The following TUBB4A variants were observed in gnomAD, a reference collection of about 807,000 sequenced individuals.
The protein encoded by TUBB4A is tubulin beta 4A class IVa.
TUBB4A carries 13 observed loss-of-function variants against 35.1 expected under a neutral mutation model. That is an observed-to-expected ratio of 0.37 (90% confidence interval 0.24 to 0.59). TUBB4A has a LOEUF of 0.59. Ranked by LOEUF, TUBB4A falls within the 20% of genes least tolerant of loss-of-function variation. TUBB4A has a pLI of 0.71. For missense variants in TUBB4A, 299 were observed against 647.2 expected (o/e 0.46, Z 5.84); for synonymous variants, 279 against 272.4 (o/e 1.02, Z -0.24).
chr19:6,500,414 A>G (rs1914475953), intron 3 of TUBB4A, among the ~76,000 whole-genome samples: 1 of 152,142 alleles, frequency 6.6e-6, no homozygotes, highest in East Asian at 1.9e-4. Context: ...GTTTATAGGC[A>G]TGAACCACCA....
intron 3 of TUBB4A, among the ~76,000 whole-genome samples, chr19:6,497,033 A>ATATATATATATG (rs1914272350): frequency 3.4e-5 from 1 of 29,308 alleles, no homozygotes; most frequent in Non-Finnish European, 6.0e-5. Context: ...AAATATATAT[A>ATATATATATATG]TATATATATA....
Position 6,494,651 on chromosome 19 carries a change from G to T in TUBB4A, c.*513C>A. On this transcript the variant is annotated 3_prime_UTR_variant, in exon 4 of 4. Transcript: ENST00000264071. ...AAAATGGGACTCATAGAGGGTGAAA[G>T]AGAAGTTGGAGTCAGAGGGGATTCA... is the stretch of plus-strand genomic sequence containing the variant. The T allele has an allele frequency of 5.7e-6, 1 of 176,426 alleles. No homozygotes were observed. The allele number at this position is 176,426 out of a possible 1,614,324, so 10.9% of individuals were successfully genotyped here. A position where few individuals can be genotyped will look rare whatever the true frequency, so the allele number is the denominator to read the frequency against.
chr19:6,497,898 C>CAAAAAAAAA (rs1179837262), intron 3 of TUBB4A, among the ~76,000 whole-genome samples: 1 of 42,250 alleles, frequency 2.4e-5, no homozygotes, highest in African/African-American at 1.1e-4. Flanking sequence ...GACTCCGTCT[C>CAAAAAAAAA]AAAAAAAAAA....
chr19:6,495,934 C>T lies in TUBB4A; in HGVS notation c.565G>A (p.Val189Met), dbSNP rs764847265. The T allele has an allele frequency of 2.5e-6, 4 of 1,614,232 alleles. No homozygotes were observed. The Admixed American group carries it at 5.0e-5, about 20-fold the overall frequency. Residue 189 changes from valine to methionine, a missense_variant, in exon 4 of 4, where the codon GTG (valine) becomes ATG (methionine). This residue lies in a region of TUBB4A where 51 missense variants were observed against 100.3 expected (regional missense o/e 0.51). Coordinates refer to ENST00000264071, the MANE Select transcript of TUBB4A (RefSeq NM_006087.4). This position sits in a 1 kb window ranked among gnomAD's most constrained non-coding sequence, Gnocchi z 8.7. The part of the protein sequence containing the change: ...VVEPYNATLS[V>M]HQLVENTDET... Reference sequence around the variant, plus strand: ...TCCGTATTCTCCACCAGCTGGTGCACAGACAGCGTGGCGTTGTAGGGCTCC... The same window carrying T: ...TCCGTATTCTCCACCAGCTGGTGCATAGACAGCGTGGCGTTGTAGGGCTCC...
intron 3 of TUBB4A, among the ~76,000 whole-genome samples, chr19:6,498,546 C>G (rs1045100075): frequency 6.6e-6 from 1 of 152,262 alleles, no homozygotes; most frequent in Non-Finnish European, 1.5e-5. Context: ...CCCATCCCCT[C>G]CCTCACTCTG....
In TUBB4A at chr19:6,502,177, G is replaced by A. The variant is rs754780863; in HGVS notation, c.36C>T (p.Cys12=). The A allele has an allele frequency of 2.4e-5, 38 of 1,575,866 alleles. No individual in the cohort carries two copies. The highest frequency in any genetic ancestry group is 3.1e-5 in the Non-Finnish European group (36 of 1,169,086). ...GCACCTTGGCCCCGATCTGGTTGCCGCACTGGCCGGCCTGCAGGTGCACGA... is the reference window on the plus strand; with the variant it reads ...GCACCTTGGCCCCGATCTGGTTGCCACACTGGCCGGCCTGCAGGTGCACGA... ...REIVHLQAGQ[C]GNQIGAKFWE... The change falls in exon 1 of 4, where the codon TGC becomes TGT. Residue 12 remains cysteine, a synonymous_variant. Coordinates refer to ENST00000264071, the MANE Select transcript of TUBB4A (RefSeq NM_006087.4).
chr19:6,496,237 G>T lies in TUBB4A; in HGVS notation c.278-16C>A. 1.3e-6 allele frequency: 2 copies of T among 1,595,096 alleles called. No individual in the cohort carries two copies. Among genetic ancestry groups the T allele is most frequent in the East Asian group, 2.2e-5 (1 of 44,618 alleles). ...CCGGATTGGCCTAGAGAGGGAAGGGGAGGGGACACACATGCAGTTATGGGG... is the reference window on the plus strand; with the variant it reads ...CCGGATTGGCCTAGAGAGGGAAGGGTAGGGGACACACATGCAGTTATGGGG... On this transcript the variant is annotated splice_polypyrimidine_tract_variant and intron_variant, in intron 3 of 3. Coordinates refer to ENST00000264071, the MANE Select transcript of TUBB4A (RefSeq NM_006087.4).
At position 6,501,723 on chromosome 19, in the gene TUBB4A, C is replaced by A. The variant is rs911332552; in HGVS notation, c.58-100G>T. On this transcript the variant is annotated intron_variant, in intron 1 of 3. Transcript: ENST00000264071. This position sits in a 1 kb window ranked among gnomAD's most constrained non-coding sequence, Gnocchi z 4.2. ...AACTAGCTCCCTAGCTGCCACCTCTCCCCCAGCAAGGTGAACGGGGGACCT... is the reference window on the plus strand; with the variant it reads ...AACTAGCTCCCTAGCTGCCACCTCTACCCCAGCAAGGTGAACGGGGGACCT... 3 of 954,348 alleles carry A rather than the reference C, an allele frequency of 3.1e-6. No individual in the cohort carries two copies. Among genetic ancestry groups the A allele is most frequent in the Non-Finnish European group, 4.9e-6 (3 of 618,056 alleles). 59.1% of individuals were successfully genotyped at this position (954,348 alleles called of 1,614,324 possible).
chr19:6,498,056 A>T (rs1199658818), intron 3 of TUBB4A, among the ~76,000 whole-genome samples: 2 of 151,606 alleles, frequency 1.3e-5, no homozygotes, highest in Non-Finnish European at 2.9e-5. Flanking sequence ...CTAAAAATAG[A>T]AAAAATTAGC....
intron 3 of TUBB4A, among the ~76,000 whole-genome samples, chr19:6,496,806 G>T (rs1270356585): frequency 6.8e-6 from 1 of 147,768 alleles, no homozygotes; most frequent in Non-Finnish European, 1.5e-5. Flanking sequence ...GGGTGACGGA[G>T]TGAGACTCCA....
chr19:6,500,349 G>A (rs1249208669), intron 3 of TUBB4A, among the ~76,000 whole-genome samples: 2 of 151,982 alleles, frequency 1.3e-5, no homozygotes, highest in East Asian at 3.9e-4. Flanking sequence ...GCCCAGGCTG[G>A]TCTCGAACTC....
chr19:6,500,745 G>GAA (rs113460662), intron 3 of TUBB4A: 27,470 of 125,924 alleles, frequency 0.22, 3,350 homozygotes, highest in African/African-American at 0.27. Flanking sequence ...GACCCTGTCT[G>GAA]AAAAAAAAAA....
chr19:6,502,543 C>T (rs1914593400), upstream of TUBB4A: 2 of 291,396 alleles, frequency 6.9e-6, no homozygotes, highest in Non-Finnish European at 1.3e-5. Flanking sequence ...GTGCAGTCTC[C>T]CCCGTCCCAG....
At chr19:6,499,130 C>A (rs1044701072) in intron 3 of TUBB4A, among the ~76,000 whole-genome samples, 1 of 152,152 alleles carries the variant, frequency 6.6e-6, no homozygotes, top group Non-Finnish European at 1.5e-5. Context: ...AATAGGAGAC[C>A]AGCCTGGCCA....
chr19:6,496,270 A>G, intron 3 of TUBB4A, 49 bp from the exon 4 acceptor site: 1 of 1,533,614 alleles, frequency 6.5e-7, no homozygotes, highest in Non-Finnish European at 8.8e-7. Context: ...GGGAGCCCCA[A>G]CCCTTGACTC....
chr19:6,495,803 G>A lies in TUBB4A; in HGVS notation c.696C>T (p.Thr232=). ...YGDLNHLVSA[T]MSGVTTCLRF... ...GCAGGCAGGTGGTGACCCCGCTCAT[G>A]GTGGCCGACACCAGGTGGTTGAGGT... Residue 232 remains threonine, a synonymous_variant, in exon 4 of 4, where the codon ACC becomes ACT. Transcript: ENST00000264071. This position sits in a 1 kb window ranked among gnomAD's most constrained non-coding sequence, Gnocchi z 8.7. The A allele has an allele frequency of 6.2e-7, 1 of 1,614,234 alleles. No homozygotes were observed. Among genetic ancestry groups the A allele is most frequent in the Non-Finnish European group, 8.5e-7 (1 of 1,180,042 alleles).
Position 6,495,174 on chromosome 19 carries a change from TCCTCCTCCG to T in TUBB4A, c.1316_1324del (p.Ala439_Glu441del), listed in dbSNP as rs1440397888. 2 of 1,613,554 alleles carry T rather than the reference TCCTCCTCCG, an allele frequency of 1.2e-6. No homozygotes were observed. The highest frequency in any genetic ancestry group is 2.7e-5 in the African/African-American group (2 of 74,826). On this transcript the variant is annotated inframe_deletion, in exon 4 of 4. Coordinates refer to ENST00000264071, the MANE Select transcript of TUBB4A (RefSeq NM_006087.4). This position sits in a 1 kb window ranked among gnomAD's most constrained non-coding sequence, Gnocchi z 8.7. ...AGCGATGGGAGCAGCCTAGGCCACC[TCCTCCTCCG>T]CCTCCTCCTCGAACTCGCCCTCCTC... is the stretch of plus-strand genomic sequence containing the variant.
chr19:6,495,089 G>C lies in TUBB4A; in HGVS notation c.*75C>G, dbSNP rs1914060927. On this transcript the variant is annotated 3_prime_UTR_variant, in exon 4 of 4. Transcript: ENST00000264071. This position sits in a 1 kb window ranked among gnomAD's most constrained non-coding sequence, Gnocchi z 8.7. ...CCTTGGAGGGAAAGCGGGGCTCTAG[G>C]GTTCAGAGATGGGGGGCCTAGCGGA... 11 of 1,552,720 alleles carry C rather than the reference G, an allele frequency of 7.1e-6. No homozygotes were observed. The highest frequency in any genetic ancestry group is 2.7e-5 in the African/African-American group (2 of 73,456).
At chr19:6,498,608 C>A (rs1268356621) in intron 3 of TUBB4A, among the ~76,000 whole-genome samples, 1 of 152,210 alleles carries the variant, frequency 6.6e-6, no homozygotes, top group Non-Finnish European at 1.5e-5. Context: ...TGCCCTGGGG[C>A]CTTTGCACTA....
Sources: gnomAD v4.1 joint callset for allele counts (sites outside exome capture counted in the v4.1 genomes callset) on GRCh38, gnomAD v4.1.1 for gene constraint, gnomAD v4.1.1 regional missense constraint, Gnocchi (gnomAD v3.1) non-coding constraint, MANE v1.5 for transcripts, NCBI Gene and HGNC (gene_info 2026-07-23, HGNC 2026-07-21) for gene names.